DPF3: variants seen among roughly 807,000 people sequenced by gnomAD.
The protein encoded by DPF3 is zinc finger protein DPF3.
In DPF3, 18 loss-of-function variants were observed where a neutral mutation model predicts 56.8. The ratio of observed to expected loss-of-function variants is 0.32; its 90% CI spans 0.22 to 0.47. The LOEUF (loss-of-function observed/expected upper bound fraction) is 0.47, where lower values mean the gene tolerates loss of function less well. Among genes scored for constraint, DPF3 ranks in the 20% least tolerant of loss-of-function variants. The pLI, the probability that DPF3 is intolerant of heterozygous loss-of-function variation, is 1.00. For synonymous variants in DPF3, 188 were observed against 180.2 expected, an observed-to-expected ratio of 1.04 and a Z score of -0.35; for missense variants, 403 against 488.8, an observed-to-expected ratio of 0.82 and a Z score of 1.65.
intron 4 of DPF3, chr14:72,724,161 A>G (rs1279498660): frequency 6.4e-6 from 1 of 156,080 alleles, no homozygotes; most frequent in Non-Finnish European, 1.4e-5. Flanking sequence ...TGATGAAAGC[A>G]AGTAACTTCC....
At chr14:72,796,367 G>T (rs1036771663) in intron 1 of DPF3, among the ~76,000 whole-genome samples, 5 of 152,184 alleles carry the variant, frequency 3.3e-5, no homozygotes, top group African/African-American at 1.2e-4. Context: ...GCCAGGCATA[G>T]TGGCATGGGC....
At chr14:72,664,931 C>A (rs1353142832) in intron 8 of DPF3, among the ~76,000 whole-genome samples, 1 of 152,146 alleles carries the variant, frequency 6.6e-6, no homozygotes, top group Non-Finnish European at 1.5e-5. Flanking sequence ...GCGGCAGGAA[C>A]AAAATGCTAT....
intron 8 of DPF3, among the ~76,000 whole-genome samples, chr14:72,655,043 A>G (rs1886024089): frequency 6.6e-6 from 1 of 152,118 alleles, no homozygotes; most frequent in African/African-American, 2.4e-5. Context: ...TTCAGCACAA[A>G]TGTTCATGCT....
chr14:72,612,997 T>C lies in DPF3; in HGVS notation c.*6300A>G, dbSNP rs1469856396. Reference sequence around the variant, plus strand: ...CCTTTGGTTCATTAAGTAGGGCGTGTGTGTGTGTGTGTGTGTGTGTGTGTG... The same window carrying C: ...CCTTTGGTTCATTAAGTAGGGCGTGCGTGTGTGTGTGTGTGTGTGTGTGTG... On this transcript the variant is annotated 3_prime_UTR_variant, in exon 11 of 11. Coordinates refer to ENST00000556509, the MANE Select transcript of DPF3 (RefSeq NM_001280542.3). 1.2e-3 allele frequency among the ~76,000 whole-genome samples: 59 copies of C among 47,386 alleles called. No individual in the cohort carries two copies. Among genetic ancestry groups the C allele is most frequent in the Non-Finnish European group, 6.6e-4 (14 of 21,130 alleles). The allele number at this position is 47,386 out of a possible 152,430, so 31.1% of individuals were successfully genotyped here.
In DPF3 at chr14:72,676,227, G is replaced by GT. The variant is rs1312080676; in HGVS notation, c.743-1860dup. 5.3e-5 allele frequency among the ~76,000 whole-genome samples: 8 copies of GT among 152,312 alleles called. 1 individual carries two copies. The highest frequency in any genetic ancestry group is 5.2e-4 in the Admixed American group (8 of 15,302). ...GATTGATATGAGCTAGATATAAAATGTGGAGATGCCAGTTGTTACTTAGGT... is the reference window on the plus strand; with the variant it reads ...GATTGATATGAGCTAGATATAAAATGTTGGAGATGCCAGTTGTTACTTAGGT... On this transcript the variant is annotated intron_variant, in intron 7 of 10. Coordinates refer to ENST00000556509, the MANE Select transcript of DPF3 (RefSeq NM_001280542.3).
chr14:72,861,767 GAAAGAAAGAA>G (rs1885434995), intron 1 of DPF3, among the ~76,000 whole-genome samples: 1 of 146,250 alleles, frequency 6.8e-6, no homozygotes, highest in Non-Finnish European at 1.5e-5. Flanking sequence ...AAGAAAGAAA[GAAAGAAAGAA>G]AGAAAGAAAG....
chr14:72,662,379 AAGT>A (rs1397655526), intron 8 of DPF3: 4 of 985,016 alleles, frequency 4.1e-6, no homozygotes, highest in Non-Finnish European at 4.8e-6. Context: ...TTAACTTTTG[AAGT>A]AGGAGGTACT....
chr14:72,759,974 T>C (rs1890999081), intron 2 of DPF3, among the ~76,000 whole-genome samples: 1 of 152,048 alleles, frequency 6.6e-6, no homozygotes, highest in Admixed American at 6.6e-5. Flanking sequence ...ATACAAAAGC[T>C]GAAATAATTC....
At chr14:72,863,330 T>C (rs540080191) in intron 1 of DPF3, among the ~76,000 whole-genome samples, 1 of 151,852 alleles carries the variant, frequency 6.6e-6, no homozygotes, top group Non-Finnish European at 1.5e-5. Context: ...GTGTGCTCAG[T>C]GGACTCAGGA....
chr14:72,833,442 A>G (rs1884147491), intron 1 of DPF3, among the ~76,000 whole-genome samples: 1 of 152,244 alleles, frequency 6.6e-6, no homozygotes, highest in Non-Finnish European at 1.5e-5. Context: ...AAAGAAGCCC[A>G]GGATGAATAT....
chr14:72,808,783 C>A (rs1484528258), intron 1 of DPF3, among the ~76,000 whole-genome samples: 1 of 152,154 alleles, frequency 6.6e-6, no homozygotes, highest in Non-Finnish European at 1.5e-5. Context: ...AGGAAACCAG[C>A]CAAAGGTCTC....
rs1555514029 is a variant in DPF3, at chr14:72,861,784, A to AAAGAAAGAAAGAAAGAAAGAAAGG, written c.32+32272_32+32273insCCTTTCTTTCTTTCTTTCTTTCTT. 8.0e-3 allele frequency among the ~76,000 whole-genome samples: 1,187 copies of AAAGAAAGAAAGAAAGAAAGAAAGG among 147,678 alleles called. 7 individuals carry two copies. The highest frequency in any genetic ancestry group is 0.012 in the Non-Finnish European group (788 of 66,106). On this transcript the variant is annotated intron_variant, in intron 1 of 10. Transcript: ENST00000556509. ...GAAAGAAAGAAAGAAAGAAAGAAAGAAAGAAAGAAAGAAAGAAAGAAGGAA... is the reference window on the plus strand; with the variant it reads ...GAAAGAAAGAAAGAAAGAAAGAAAGAAAGAAAGAAAGAAAGAAAGAAAGGAAGAAAGAAAGAAAGAAAGAAGGAA...
chr14:72,682,201 T>C (rs1887192937), intron 7 of DPF3, among the ~76,000 whole-genome samples: 1 of 122,992 alleles, frequency 8.1e-6, no homozygotes, highest in Admixed American at 9.6e-5. Context: ...GCAACAAGAG[T>C]AAGACTCTGT....
intron 1 of DPF3, among the ~76,000 whole-genome samples, chr14:72,862,068 T>G (rs1195273218): frequency 6.6e-6 from 1 of 152,200 alleles, no homozygotes; most frequent in African/African-American, 2.4e-5. Context: ...TTAGAGCTAA[T>G]AAACATTTCT....
chr14:72,623,152 T>C (rs1323888047), intron 9 of DPF3, among the ~76,000 whole-genome samples: 1 of 152,142 alleles, frequency 6.6e-6, no homozygotes, highest in Non-Finnish European at 1.5e-5. Flanking sequence ...GAAAGACAAA[T>C]CATATTTTTT....
chr14:72,813,693 G>A (rs1278596756), intron 1 of DPF3, among the ~76,000 whole-genome samples: 3 of 152,252 alleles, frequency 2.0e-5, no homozygotes, highest in Admixed American at 2.0e-4. Context: ...CTCACTAGCG[G>A]CTGACCCCAG....
chr14:72,870,072 A>G (rs1022626305), intron 1 of DPF3, among the ~76,000 whole-genome samples: 1 of 152,202 alleles, frequency 6.6e-6, no homozygotes, highest in Admixed American at 6.5e-5. Context: ...AACTTTGGAC[A>G]GTTAAAAATA....
At chr14:72,884,868 G>A (rs1200482510) in intron 1 of DPF3, among the ~76,000 whole-genome samples, 18 of 144,430 alleles carry the variant, frequency 1.2e-4, no homozygotes, top group South Asian at 2.2e-4. Context: ...AGGCCGAGGC[G>A]GGCGGATCAC....
intron 1 of DPF3, among the ~76,000 whole-genome samples, chr14:72,779,675 AT>A (rs1424195251): frequency 6.6e-6 from 1 of 152,200 alleles, no homozygotes; most frequent in Non-Finnish European, 1.5e-5. Context: ...ACCTGAGAAA[AT>A]TTAATAAGCT....
Sources: gnomAD v4.1 joint callset for allele counts (sites outside exome capture counted in the v4.1 genomes callset) on GRCh38, gnomAD v4.1.1 for gene constraint, MANE v1.5 for transcripts, NCBI Gene and HGNC (gene_info 2026-07-23, HGNC 2026-07-21) for gene names.